OSBPL8: variants seen among roughly 807,000 people sequenced by gnomAD.
OSBPL8 encodes oxysterol binding protein like 8.
In OSBPL8, 59 loss-of-function variants were observed where a neutral mutation model predicts 125.5. The ratio of observed to expected loss-of-function variants is 0.47; its 90% CI spans 0.38 to 0.58. The LOEUF is 0.58. OSBPL8 is among the 20% of genes least tolerant of loss of function. The probability of loss-of-function intolerance (pLI) is 0.00; values close to 1 mark genes in which losing one functional copy is unlikely to be tolerated. For missense variants in OSBPL8, 758 were observed against 1,047.8 expected, an observed-to-expected ratio of 0.72 and a Z score of 3.82; for synonymous variants, 330 against 338.9, an observed-to-expected ratio of 0.97 and a Z score of 0.29.
intron 23 of OSBPL8, among the ~76,000 whole-genome samples, chr12:76,356,317 A>G (rs1951984828): frequency 6.6e-6 from 1 of 152,158 alleles, no homozygotes; most frequent in Non-Finnish European, 1.5e-5. Context: ...GCCTTTGTTA[A>G]CTGACTTTCT....
intron 1 of OSBPL8, among the ~76,000 whole-genome samples, chr12:76,533,530 T>G (rs1457732008): frequency 6.6e-6 from 1 of 152,156 alleles, no homozygotes; most frequent in African/African-American, 2.4e-5. Flanking sequence ...TGCAATCCAC[T>G]GAAGTCTTTA....
intron 4 of OSBPL8, among the ~76,000 whole-genome samples, chr12:76,440,408 T>C (rs1872044873): frequency 6.6e-6 from 1 of 152,186 alleles, no homozygotes; most frequent in African/African-American, 2.4e-5. Flanking sequence ...AATTTTTTAT[T>C]GATTTTAAAT....
intron 1 of OSBPL8, among the ~76,000 whole-genome samples, chr12:76,547,152 T>G (rs1029833798): frequency 3.3e-5 from 5 of 152,164 alleles, no homozygotes; most frequent in Admixed American, 6.5e-5. Context: ...ACCATAGCTG[T>G]AGAAGAAAGA....
chr12:76,524,426 A>G (rs766447457), intron 1 of OSBPL8, among the ~76,000 whole-genome samples: 7 of 152,224 alleles, frequency 4.6e-5, no homozygotes, highest in Non-Finnish European at 8.8e-5. Context: ...AAGAGTAGTA[A>G]GAGCAATTAA....
chr12:76,416,961 T>C (rs181097531), intron 4 of OSBPL8, among the ~76,000 whole-genome samples: 164 of 152,332 alleles, frequency 1.1e-3, no homozygotes, highest in African/African-American at 3.6e-3. Context: ...ATATGTATAC[T>C]TAACTTTTCA....
intron 10 of OSBPL8, among the ~76,000 whole-genome samples, chr12:76,390,981 A>G (rs1252384714): frequency 6.6e-6 from 1 of 152,150 alleles, no homozygotes; most frequent in Non-Finnish European, 1.5e-5. Context: ...ACTTCTTGTT[A>G]GATATTTTTC....
chr12:76,527,581 TC>T (rs1950215440), intron 1 of OSBPL8, among the ~76,000 whole-genome samples: 1 of 152,186 alleles, frequency 6.6e-6, no homozygotes, highest in Non-Finnish European at 1.5e-5. Flanking sequence ...TACGGGTAGT[TC>T]TTTAAAGTGA....
intron 1 of OSBPL8, among the ~76,000 whole-genome samples, chr12:76,545,685 A>C (rs1950764409): frequency 6.6e-6 from 1 of 152,214 alleles, no homozygotes; most frequent in Non-Finnish European, 1.5e-5. Context: ...TCTAAGTATA[A>C]ATTACCACAA....
intron 4 of OSBPL8, among the ~76,000 whole-genome samples, chr12:76,437,977 T>A (rs972585377): frequency 6.7e-6 from 1 of 148,608 alleles, no homozygotes; most frequent in Non-Finnish European, 1.5e-5. Flanking sequence ...AAGTAAAACT[T>A]CTTCTTTTTT....
chr12:76,519,883 C>G (rs527749341), intron 1 of OSBPL8, among the ~76,000 whole-genome samples: 1 of 152,290 alleles, frequency 6.6e-6, no homozygotes, highest in East Asian at 1.9e-4. Flanking sequence ...CCCCCGTGAT[C>G]CAATCACTTT....
At chr12:76,513,339 T>C (rs967238611) in intron 1 of OSBPL8, among the ~76,000 whole-genome samples, 3 of 152,254 alleles carry the variant, frequency 2.0e-5, no homozygotes, top group African/African-American at 7.2e-5. Flanking sequence ...GATTGTTTTA[T>C]ATCCAATTAT....
chr12:76,457,144 T>C (rs1285393431), intron 3 of OSBPL8, among the ~76,000 whole-genome samples: 1 of 152,202 alleles, frequency 6.6e-6, no homozygotes, highest in African/African-American at 2.4e-5. Context: ...CAGAGATGAT[T>C]AGCATCACAC....
intron 4 of OSBPL8, among the ~76,000 whole-genome samples, chr12:76,411,451 T>C (rs1205221037): frequency 1.3e-5 from 2 of 152,106 alleles, no homozygotes; most frequent in African/African-American, 4.8e-5. Flanking sequence ...TATTTTAAAA[T>C]ATGTATAATC....
At chr12:76,451,387 T>A (rs867678324) in intron 3 of OSBPL8, among the ~76,000 whole-genome samples, 4 of 152,128 alleles carry the variant, frequency 2.6e-5, no homozygotes, top group Non-Finnish European at 5.9e-5. Flanking sequence ...ATACTCAGCC[T>A]CATTAGTAAT....
intron 4 of OSBPL8, among the ~76,000 whole-genome samples, chr12:76,429,906 A>G (rs1359042101): frequency 6.6e-6 from 1 of 151,308 alleles, no homozygotes; most frequent in Non-Finnish European, 1.5e-5. Flanking sequence ...AAAAGATGGT[A>G]CCAGCTGTGA....
Position 76,389,702 on chromosome 12 carries a change from G to C in OSBPL8, c.1295C>G (p.Pro432Arg). ...TGAAAGTTTATCCAGGAAAGAACGG[G>C]GTTCCAAAATAAATGTAGGCAGAAC... is the stretch of plus-strand genomic sequence containing the variant. ...KVVLPTFILE[P>R]RSFLDKLSDY... The change falls in exon 12 of 24, where the codon CCC (proline) becomes CGC (arginine). Residue 432 changes from proline to arginine, a missense_variant. Around this residue, in one of 3 missense-constraint regions of OSBPL8, gnomAD observed 572 missense variants for 762.0 expected, o/e 0.75. Coordinates refer to ENST00000261183, the MANE Select transcript of OSBPL8 (RefSeq NM_020841.5). The C allele has an allele frequency of 6.2e-7, 1 of 1,604,826 alleles. No homozygotes were observed. Among genetic ancestry groups the C allele is most frequent in the Non-Finnish European group, 8.5e-7 (1 of 1,174,544 alleles).
chr12:76,549,910 T>A (rs1950887295), intron 1 of OSBPL8, among the ~76,000 whole-genome samples: 4 of 148,336 alleles, frequency 2.7e-5, no homozygotes, highest in Middle Eastern at 3.4e-3. Context: ...AATAAACAGA[T>A]CAAGCAGATG....
At chr12:76,547,568 A>G (rs760425668) in intron 1 of OSBPL8, among the ~76,000 whole-genome samples, 1 of 152,242 alleles carries the variant, frequency 6.6e-6, no homozygotes, top group Non-Finnish European at 1.5e-5. Context: ...AACACAGAAG[A>G]CAAGGAAAAG....
At chr12:76,471,674 G>A (rs1002124567) in intron 2 of OSBPL8, among the ~76,000 whole-genome samples, 1 of 152,120 alleles carries the variant, frequency 6.6e-6, no homozygotes, top group Non-Finnish European at 1.5e-5. Flanking sequence ...ACCAAAATTG[G>A]AGAGAAAAAC....
Sources: gnomAD v4.1 joint callset for allele counts (sites outside exome capture counted in the v4.1 genomes callset) on GRCh38, gnomAD v4.1.1 for gene constraint, gnomAD v4.1.1 regional missense constraint, MANE v1.5 for transcripts, NCBI Gene and HGNC (gene_info 2026-07-23, HGNC 2026-07-21) for gene names.